Variants in FSTL1 observed in about 807,000 individuals in gnomAD.
FSTL1 encodes follistatin-related protein 1.
A neutral mutation model predicts 45.9 loss-of-function variants in FSTL1; 24 were observed. That is an observed-to-expected ratio of 0.52 (90% CI 0.38 to 0.74). The LOEUF is 0.74. Among genes scored for constraint, FSTL1 ranks in the 30% least tolerant of loss-of-function variants. FSTL1 has a pLI of 0.00. For synonymous variants in FSTL1, 120 were observed against 137.6 expected (o/e 0.87, Z 0.89); for missense variants, 340 against 381.8 (o/e 0.89, Z 0.91).
At chr3:120,406,366 C>T (rs1197282870) in intron 6 of FSTL1, among the ~76,000 whole-genome samples, 1 of 152,112 alleles carries the variant, frequency 6.6e-6, no homozygotes, top group Non-Finnish European at 1.5e-5. Context: ...TGACAGCAAC[C>T]CTCAAAGACT....
chr3:120,406,852 G>A (rs752225469), intron 6 of FSTL1, among the ~76,000 whole-genome samples: 23 of 152,338 alleles, frequency 1.5e-4, no homozygotes, highest in Non-Finnish European at 2.5e-4. Flanking sequence ...CTTGGGACCA[G>A]AAGTGTTTCA....
chr3:120,437,438 A>G (rs1015100578), intron 2 of FSTL1, among the ~76,000 whole-genome samples: 2 of 152,230 alleles, frequency 1.3e-5, no homozygotes, highest in Admixed American at 6.5e-5. Flanking sequence ...GCAGTATAAC[A>G]TAAGTCAAAC....
In FSTL1 at chr3:120,406,495, A is replaced by G. The variant is rs188909268; in HGVS notation, c.463-1524T>C. Among the ~76,000 whole-genome samples, 35 of 152,362 alleles carry G rather than the reference A, an allele frequency of 2.3e-4. No homozygotes were observed. In the South Asian group the frequency reaches 6.6e-3, roughly 29 times the overall value. ...ACCATGAACCTGGCAACCACAGTCC[A>G]GGCAGCTCTCAAAAGGCAGTGCTGT... On this transcript the variant is annotated intron_variant, in intron 6 of 10. Coordinates refer to ENST00000295633, the MANE Select transcript of FSTL1 (RefSeq NM_007085.5).
At chr3:120,423,974 G>A (rs1421163158) in intron 2 of FSTL1, 1 of 152,146 alleles carries the variant, frequency 6.6e-6, no homozygotes, top group Admixed American at 6.5e-5. Flanking sequence ...CCTAAGACTT[G>A]TCCACTTTGA....
At chr3:120,418,545 G>A (rs1937225666) in intron 2 of FSTL1, among the ~76,000 whole-genome samples, 1 of 152,178 alleles carries the variant, frequency 6.6e-6, no homozygotes, top group South Asian at 2.1e-4. Context: ...CTGCCCAAAG[G>A]GAAAGCAGTT....
chr3:120,450,696 C>A lies in FSTL1; in HGVS notation c.51G>T (p.Trp17Cys), dbSNP rs1453922420. ...GCCCCTCGCCTACCTCGGCGCGGAC[C>A]CAGGCGACCGCCACCAGCGCGAGCG... The part of the protein sequence containing the change: ...ALALALVAVA[W>C]VRAEEELRSK... The change falls in exon 2 of 11, where the codon TGG becomes TGT. Residue 17 changes from tryptophan (W) to cysteine (C), a missense_variant. Trp to Cys is a radical substitution (Grantham distance 215, BLOSUM62 -2). Coordinates refer to ENST00000295633, the MANE Select transcript of FSTL1 (RefSeq NM_007085.5). 6.4e-7 allele frequency: 1 copy of A among 1,570,864 alleles called. No homozygotes were observed. The highest frequency in any genetic ancestry group is 8.6e-7 in the Non-Finnish European group (1 of 1,165,976).
At chr3:120,403,935 A>AAC (rs1936885078) in intron 7 of FSTL1, among the ~76,000 whole-genome samples, 4 of 131,394 alleles carry the variant, frequency 3.0e-5, no homozygotes, top group South Asian at 2.4e-4. Context: ...AAAAAAAAAA[A>AAC]AAAAAAAAAC....
intron 2 of FSTL1, among the ~76,000 whole-genome samples, chr3:120,428,983 T>C (rs1231570692): frequency 6.6e-6 from 1 of 152,198 alleles, no homozygotes; most frequent in East Asian, 1.9e-4. Flanking sequence ...TTCTCAGACA[T>C]TGTGTTGCCA....
Position 120,404,850 on chromosome 3 carries a change from C to T in FSTL1, c.581+3G>A, listed in dbSNP as rs374027382. The T allele has an allele frequency of 7.1e-7, 1 of 1,409,858 alleles. No individual in the cohort carries two copies. The highest frequency in any genetic ancestry group is 1.0e-6 in the Non-Finnish European group (1 of 993,028). 87.3% of individuals were successfully genotyped at this position (1,409,858 alleles called of 1,614,324 possible). On this transcript the variant is annotated splice_donor_region_variant and intron_variant, in intron 7 of 10. Coordinates refer to ENST00000295633, the MANE Select transcript of FSTL1 (RefSeq NM_007085.5). ...CATTCTCTGACCTCTCGGTTCCTCT[C>T]ACCTAAGCAACTTGTTGTTCTCCTG...
At chr3:120,399,241 T>C (rs1936767991) in intron 10 of FSTL1, among the ~76,000 whole-genome samples, 1 of 152,138 alleles carries the variant, frequency 6.6e-6, no homozygotes, top group Non-Finnish European at 1.5e-5. Context: ...AGTTCCACAA[T>C]ATGTCAGAGC....
chr3:120,409,546 C>G lies in FSTL1; in HGVS notation c.448G>C (p.Asp150His), dbSNP rs1404265817. The G allele has an allele frequency of 6.2e-7, 1 of 1,613,976 alleles. No individual in the cohort carries two copies. The highest frequency in any genetic ancestry group is 2.2e-5 in the East Asian group (1 of 44,886). The change falls in exon 6 of 11, where the codon GAC becomes CAC. Residue 150 changes from aspartate to histidine, a missense_variant. Transcript: ENST00000295633. The stretch of plus-strand genomic sequence containing the variant: ...CTCTGGATTACCTTAAAATACTTGT[C>G]TAGGATTTCACTGTAGTTGCTGCCT... ...SKGSNYSEIL[D>H]KYFKNFDNGD... is the part of the protein sequence containing the mutation.
intron 2 of FSTL1, among the ~76,000 whole-genome samples, chr3:120,432,539 G>GT (rs1211651177): frequency 6.6e-6 from 1 of 151,842 alleles, no homozygotes; most frequent in African/African-American, 2.4e-5. Context: ...TGTTCATTCT[G>GT]TTTTTCCCCA....
In FSTL1 at chr3:120,412,840, A is replaced by C. The variant is rs201355957; in HGVS notation, c.169-857T>G. On this transcript the variant is annotated intron_variant, in intron 3 of 10. Coordinates refer to ENST00000295633, the MANE Select transcript of FSTL1 (RefSeq NM_007085.5). ...CATGTGCGCGCGCGCGCGCGCGCGC[A>C]CACACACACACACACACACACACAC... is the stretch of plus-strand genomic sequence containing the variant. Among the ~76,000 whole-genome samples, 8 of 62,072 alleles carry C rather than the reference A, an allele frequency of 1.3e-4. No homozygotes were observed. In the East Asian group the frequency reaches 1.5e-3, roughly 12 times the overall value. 40.7% of individuals were successfully genotyped at this position (62,072 alleles called of 152,430 possible).
chr3:120,418,659 C>A (rs929973897), intron 2 of FSTL1, among the ~76,000 whole-genome samples: 2 of 152,190 alleles, frequency 1.3e-5, no homozygotes, highest in Non-Finnish European at 2.9e-5. Flanking sequence ...AAGAGTGCGT[C>A]AGAGATTTAG....
intron 3 of FSTL1, among the ~76,000 whole-genome samples, chr3:120,412,808 ACACACACATGTGCG>A (rs1223159243): frequency 7.7e-6 from 1 of 130,164 alleles, no homozygotes; most frequent in African/African-American, 2.9e-5. Flanking sequence ...GCAGGCAAAC[ACACACACATGTGCG>A]CGCGCGCGCG....
chr3:120,432,935 A>G (rs1048692151), intron 2 of FSTL1, among the ~76,000 whole-genome samples: 1 of 152,198 alleles, frequency 6.6e-6, no homozygotes, highest in African/African-American at 2.4e-5. Context: ...ATCCAGTGAC[A>G]CTGAATGCCT....
chr3:120,394,656 T>C lies in FSTL1; in HGVS notation c.*2296A>G, dbSNP rs1641677766. 1 of 152,220 alleles carries C rather than the reference T, an allele frequency of 6.6e-6. No individual in the cohort carries two copies. Among genetic ancestry groups the C allele is most frequent in the Non-Finnish European group, 1.5e-5 (1 of 68,042 alleles). The allele number at this position is 152,220 out of a possible 1,614,324, so 9.4% of individuals were successfully genotyped here. A position where few individuals can be genotyped will look rare whatever the true frequency, so the allele number is the denominator to read the frequency against. On this transcript the variant is annotated 3_prime_UTR_variant, in exon 11 of 11. Coordinates refer to ENST00000295633, the MANE Select transcript of FSTL1 (RefSeq NM_007085.5). ...GCCTGCAGGCTAAGCCCTATGCTTT[T>C]AGAGGGCTGAAGGAACCAAACCTAG... is the stretch of plus-strand genomic sequence containing the variant.
chr3:120,450,654 C>G (rs1205834084), intron 2 of FSTL1, 30 bp downstream of exon 2: 8 of 1,477,672 alleles, frequency 5.4e-6, no homozygotes, highest in South Asian at 1.2e-5. Context: ...CCCCGGGGAC[C>G]GAGTTCGGAC....
At chr3:120,411,029 AAAG>A (rs756352846) in intron 4 of FSTL1, 45 bp from the exon 5 acceptor site, 4 of 1,496,738 alleles carry the variant, frequency 2.7e-6, no homozygotes, top group Non-Finnish European at 3.7e-6. Context: ...GTGAAGGAAA[AAAG>A]AAAATTTTTC....
Sources: allele counts gnomAD v4.1 joint callset (sites outside exome capture counted in the v4.1 genomes callset), GRCh38; gene constraint gnomAD v4.1.1; transcripts MANE v1.5; gene names NCBI Gene and HGNC (gene_info 2026-07-23, HGNC 2026-07-21).